ANKRD55: variants seen among roughly 807,000 people sequenced by gnomAD.
The protein encoded by ANKRD55 is ankyrin repeat domain 55, also known as ankyrin repeat domain-containing protein 55.
Under a neutral mutation model 60.6 loss-of-function variants are expected in ANKRD55, and 41 were observed. The observed-to-expected ratio is 0.68, with a 90% CI of 0.53 to 0.88. ANKRD55 has a LOEUF of 0.88. Ranked by LOEUF, ANKRD55 falls within the 40% of genes least tolerant of loss-of-function variation. The pLI is 0.00. For synonymous variants in ANKRD55, 264 were observed against 290.3 expected (o/e 0.91, Z 0.92); for missense variants, 732 against 767.6 (o/e 0.95, Z 0.55).
chr5:56,156,658 T>C (rs1472543675), intron 6 of ANKRD55, among the ~76,000 whole-genome samples: 1 of 152,164 alleles, frequency 6.6e-6, no homozygotes, highest in Non-Finnish European at 1.5e-5. Flanking sequence ...TGCCCTGAAA[T>C]CTAGAGGTTC....
At chr5:56,159,140 A>T (rs1387719516) in intron 6 of ANKRD55, among the ~76,000 whole-genome samples, 1 of 151,936 alleles carries the variant, frequency 6.6e-6, no homozygotes. Flanking sequence ...GCGCCACTAC[A>T]CCCACCTCTC....
chr5:56,118,178 G>A (rs965837249), intron 8 of ANKRD55, among the ~76,000 whole-genome samples: 1 of 151,904 alleles, frequency 6.6e-6, no homozygotes, highest in South Asian at 2.1e-4. Context: ...TGGCCAAAAG[G>A]TATAAAAATA....
chr5:56,128,934 C>T (rs1375810061), intron 7 of ANKRD55, among the ~76,000 whole-genome samples: 3 of 152,192 alleles, frequency 2.0e-5, no homozygotes, highest in East Asian at 1.9e-4. Flanking sequence ...AAAGTGAAAA[C>T]TGTTTAGACC....
At chr5:56,131,241 A>G (rs1757401825) in intron 7 of ANKRD55, among the ~76,000 whole-genome samples, 1 of 152,156 alleles carries the variant, frequency 6.6e-6, no homozygotes, top group African/African-American at 2.4e-5. Context: ...ATAAAGAAAA[A>G]GTCCAGAAGG....
At chr5:56,190,189 C>T (rs1759061046) in intron 2 of ANKRD55, among the ~76,000 whole-genome samples, 1 of 152,098 alleles carries the variant, frequency 6.6e-6, no homozygotes, top group Admixed American at 6.5e-5. Flanking sequence ...CTTTTTGTTG[C>T]TGGGTTGTAG....
chr5:56,125,784 A>T (rs920372192), intron 8 of ANKRD55: 3 of 152,252 alleles, frequency 2.0e-5, no homozygotes, highest in South Asian at 2.1e-4. Context: ...AATAATTTTT[A>T]AAAAAAGAAT....
At chr5:56,173,574 C>G (rs865954851) in intron 4 of ANKRD55, among the ~76,000 whole-genome samples, 1 of 98,314 alleles carries the variant, frequency 1.0e-5, no homozygotes, top group Admixed American at 1.1e-4. Context: ...CTCTCTCTCT[C>G]TCTCTCTCTA....
intron 5 of ANKRD55, among the ~76,000 whole-genome samples, chr5:56,161,451 G>A (rs1758327246): frequency 6.6e-6 from 1 of 152,192 alleles, no homozygotes; most frequent in South Asian, 2.1e-4. Context: ...TCTCAGATTG[G>A]AAGACATCTA....
chr5:56,166,122 C>CTTTCTTTCTTTCT (rs1758457283), intron 5 of ANKRD55, among the ~76,000 whole-genome samples: 1 of 87,160 alleles, frequency 1.1e-5, no homozygotes, highest in Non-Finnish European at 2.2e-5. Context: ...TTCTTTCTTT[C>CTTTCTTTCTTTCT]TTTCTTTCTT....
chr5:56,208,270 G>A (rs1426246916), intron 2 of ANKRD55, among the ~76,000 whole-genome samples: 4 of 150,868 alleles, frequency 2.7e-5, no homozygotes, highest in Non-Finnish European at 5.9e-5. Flanking sequence ...GGACCTTCTT[G>A]TTCGCTTAAA....
intron 8 of ANKRD55, chr5:56,117,086 C>A: frequency 4.8e-6 from 1 of 208,442 alleles, no homozygotes; most frequent in Non-Finnish European, 9.5e-6. Context: ...TACATAGTGC[C>A]AAACTGCCTT....
At position 56,135,277 on chromosome 5, in the gene ANKRD55, T is replaced by TG. The variant is rs1561263861; in HGVS notation, c.613-8172_613-8171insC. On this transcript the variant is annotated intron_variant, in intron 7 of 11. Coordinates refer to ENST00000341048, the MANE Select transcript of ANKRD55 (RefSeq NM_024669.3). Reference sequence around the variant, plus strand: ...TTCCTTCCTTCTTTCCCTCCCTCCCTCCCTGCCTGCCTGCTTGCTTTCTTT... The same window carrying TG: ...TTCCTTCCTTCTTTCCCTCCCTCCCTGCCCTGCCTGCCTGCTTGCTTTCTTT... Among the ~76,000 whole-genome samples the TG allele has an allele frequency of 9.9e-4, 98 of 99,358 alleles. 3 individuals are homozygous for TG. The highest frequency in any genetic ancestry group is 3.4e-3 in the African/African-American group (74 of 21,794). 65.2% of individuals were successfully genotyped at this position (99,358 alleles called of 152,430 possible). A position where few individuals can be genotyped will look rare whatever the true frequency, so the allele number is the denominator to read the frequency against.
chr5:56,122,297 C>T (rs1757087530), intron 8 of ANKRD55, among the ~76,000 whole-genome samples: 1 of 152,108 alleles, frequency 6.6e-6, no homozygotes. Flanking sequence ...ATCAGGTCAT[C>T]CTGGAAAATA....
At chr5:56,220,993 G>T (rs938946454) in intron 2 of ANKRD55, among the ~76,000 whole-genome samples, 15 of 152,150 alleles carry the variant, frequency 9.9e-5, no homozygotes, top group Admixed American at 8.5e-4. Flanking sequence ...CATATAATTT[G>T]CTTCTAAACC....
chr5:56,143,582 G>A (rs185507361), intron 7 of ANKRD55, among the ~76,000 whole-genome samples: 140 of 152,318 alleles, frequency 9.2e-4, no homozygotes, highest in African/African-American at 3.2e-3. Flanking sequence ...GAGAGAATGA[G>A]AGGGGTATGT....
At position 56,188,630 on chromosome 5, in the gene ANKRD55, T is replaced by C. The variant is rs1759026473; in HGVS notation, c.59-4996A>G. 2.6e-5 allele frequency among the ~76,000 whole-genome samples: 4 copies of C among 152,202 alleles called. 1 individual carries two copies. Among genetic ancestry groups the C allele is most frequent in the Admixed American group, 2.6e-4 (4 of 15,282 alleles). On this transcript the variant is annotated intron_variant, in intron 2 of 11. Coordinates refer to ENST00000341048, the MANE Select transcript of ANKRD55 (RefSeq NM_024669.3). Reference sequence around the variant, plus strand: ...TTGTTAAAAATGAGTTGACTGTAAATGTGTGAACTTGTTTCTGGAATCTCA... The same window carrying C: ...TTGTTAAAAATGAGTTGACTGTAAACGTGTGAACTTGTTTCTGGAATCTCA...
At chr5:56,123,758 G>C (rs1051147675) in intron 8 of ANKRD55, among the ~76,000 whole-genome samples, 1 of 152,080 alleles carries the variant, frequency 6.6e-6, no homozygotes, top group Non-Finnish European at 1.5e-5. Context: ...AGAAGAACAG[G>C]GTTTTGCTGA....
chr5:56,165,894 G>A (rs914473905), intron 5 of ANKRD55, among the ~76,000 whole-genome samples: 3 of 151,812 alleles, frequency 2.0e-5, no homozygotes, highest in African/African-American at 2.4e-5. Flanking sequence ...ACGCCTTTAC[G>A]CTCCAGCCTG....
At chr5:56,152,578 T>C (rs945492863) in intron 6 of ANKRD55, among the ~76,000 whole-genome samples, 41 of 152,282 alleles carry the variant, frequency 2.7e-4, no homozygotes, top group African/African-American at 9.6e-4. Flanking sequence ...TAGTTTCCAT[T>C]TAACTCCCGG....
Sources: gnomAD v4.1 joint callset for allele counts (sites outside exome capture counted in the v4.1 genomes callset) on GRCh38, gnomAD v4.1.1 for gene constraint, MANE v1.5 for transcripts, NCBI Gene and HGNC (gene_info 2026-07-23, HGNC 2026-07-21) for gene names.